Variants in PRH1 observed in about 807,000 individuals in gnomAD.
PRH1 encodes salivary acidic proline-rich phosphoprotein 1/2.
PRH1 carries 7 observed loss-of-function variants against 7.9 expected under a neutral mutation model. The ratio of observed to expected loss-of-function variants is 0.89; its 90% CI spans 0.50 to 1.67. The LOEUF is 1.67. Ranked by LOEUF, PRH1 falls within the 40% of genes most tolerant of loss-of-function variation. The pLI, the probability that PRH1 is intolerant of heterozygous loss-of-function variation, is 0.00. For missense variants in PRH1, 109 were observed against 223.6 expected (o/e 0.49, Z 3.27); for synonymous variants, 45 against 80.8 (o/e 0.56, Z 2.38).
intron 1 of PRH1, among the ~76,000 whole-genome samples, chr12:11,043,028 T>A (rs188900588): frequency 1.2e-3 from 178 of 152,296 alleles, no homozygotes; most frequent in African/African-American, 4.0e-3. Flanking sequence ...TGAACATTGA[T>A]GCTAAAGTCT....
At chr12:11,036,787 T>C (rs553441119) in intron 1 of PRH1, among the ~76,000 whole-genome samples, 2 of 152,322 alleles carry the variant, frequency 1.3e-5, no homozygotes, top group Middle Eastern at 3.4e-3. Flanking sequence ...AATTATGTAT[T>C]TAAATATTTC....
At chr12:10,948,844 T>C (rs1378907355) in intron 2 of PRH1, among the ~76,000 whole-genome samples, 2 of 152,202 alleles carry the variant, frequency 1.3e-5, no homozygotes, top group African/African-American at 4.8e-5. Flanking sequence ...TATTTGAAGC[T>C]GACTTTGTGT....
rs556000314 is a variant in PRH1, at chr12:11,086,836, C to T, written n.124-39648G>A. ...GGCTGTGGCAGAAAAATCATTGGAA[C>T]CCAGGAGTGGGGGGTTGTAGTTAGT... On this transcript the variant is annotated intron_variant and non_coding_transcript_variant, in intron 1 of 4. Transcript: ENST00000541977. 2.0e-4 allele frequency among the ~76,000 whole-genome samples: 22 copies of T among 112,252 alleles called. 7 individuals carry two copies. The highest frequency in any genetic ancestry group is 5.6e-4 in the African/African-American group (19 of 33,650). The allele number at this position is 112,252 out of a possible 152,430, so 73.6% of individuals were successfully genotyped here.
chr12:10,964,582 C>A, intron 2 of PRH1: 1 of 377,906 alleles, frequency 2.6e-6, no homozygotes, highest in South Asian at 3.6e-5. Flanking sequence ...CAGGTTCGTT[C>A]TACAGCCTCC....
chr12:11,082,981 A>T (rs1454962113), intron 1 of PRH1, among the ~76,000 whole-genome samples: 24 of 102,904 alleles, frequency 2.3e-4, no homozygotes, highest in Non-Finnish European at 4.5e-4. Flanking sequence ...ATATGTTTTA[A>T]GGCTTAACAA....
chr12:10,984,505 G>A (rs150744004), intron 1 of PRH1, among the ~76,000 whole-genome samples: 58 of 151,782 alleles, frequency 3.8e-4, no homozygotes, highest in Admixed American at 2.1e-3. Flanking sequence ...CAATTTACTT[G>A]TTCATCAAAA....
At chr12:10,902,854 A>C (rs888701779) in intron 2 of PRH1, among the ~76,000 whole-genome samples, 1 of 152,204 alleles carries the variant, frequency 6.6e-6, no homozygotes, top group African/African-American at 2.4e-5. Flanking sequence ...GACCAGTCTT[A>C]CAAGAGATCC....
At chr12:10,969,640 T>G (rs11054104) in intron 2 of PRH1, among the ~76,000 whole-genome samples, 36,855 of 151,630 alleles carry the variant, frequency 0.24, 4,507 homozygotes, top group Non-Finnish European at 0.25. Flanking sequence ...GGTTTTTCTG[T>G]TTTTTTGTTT....
At chr12:10,939,756 G>A (rs1175843712) in intron 2 of PRH1, among the ~76,000 whole-genome samples, 2 of 151,866 alleles carry the variant, frequency 1.3e-5, no homozygotes, top group East Asian at 3.9e-4. Flanking sequence ...GTTTTGTTCT[G>A]CTTTTCTGAG....
intron 1 of PRH1, among the ~76,000 whole-genome samples, chr12:11,017,895 C>T (rs771568086): frequency 5.3e-5 from 8 of 152,084 alleles, no homozygotes; most frequent in Non-Finnish European, 1.2e-4. Flanking sequence ...TCCAAAAATA[C>T]CACAGTAGAG....
intron 2 of PRH1, among the ~76,000 whole-genome samples, chr12:10,918,593 ATT>A (rs1440882862): frequency 1.3e-5 from 2 of 152,214 alleles, no homozygotes; most frequent in African/African-American, 4.8e-5. Context: ...TTTTATTAAT[ATT>A]GACAAAGTCC....
rs1188564785 is a variant in PRH1, at chr12:11,097,948, T to A, written n.124-50760A>T. ...CATCAAGAATAATGTAAAACCAACA[T>A]ATTTTCAACGATTTATTTGCTTTTT... On this transcript the variant is annotated intron_variant and non_coding_transcript_variant, in intron 1 of 4. Coordinates refer to the PRH1 transcript ENST00000541977. 2.6e-5 allele frequency among the ~76,000 whole-genome samples: 2 copies of A among 76,438 alleles called. 1 individual carries two copies. Among genetic ancestry groups the A allele is most frequent in the Non-Finnish European group, 7.0e-5 (2 of 28,556 alleles). The allele number at this position is 76,438 out of a possible 152,430, so 50.1% of individuals were successfully genotyped here.
intron 1 of PRH1, among the ~76,000 whole-genome samples, chr12:11,044,454 TAAA>T (rs1351493830): frequency 6.6e-6 from 1 of 151,916 alleles, no homozygotes; most frequent in East Asian, 1.9e-4. Context: ...GACATCAAGT[TAAA>T]AAATACTTCT....
chr12:10,998,867 TA>T (rs2136013911), intron 1 of PRH1, among the ~76,000 whole-genome samples: 2 of 152,280 alleles, frequency 1.3e-5, no homozygotes, highest in African/African-American at 4.8e-5. Flanking sequence ...AGAAAATTAC[TA>T]CACTTTACAT....
intron 1 of PRH1, among the ~76,000 whole-genome samples, chr12:11,059,240 G>C (rs1408233025): frequency 6.6e-6 from 1 of 151,762 alleles, no homozygotes; most frequent in Admixed American, 6.6e-5. Context: ...TGGGAGCCAA[G>C]TGTACGCATC....
rs575734028 is a variant in PRH1 at position 11,061,788 on chromosome 12, C to A, written n.124-14600G>T. 244 of 1,614,128 alleles carry A rather than the reference C, an allele frequency of 1.5e-4. No homozygotes were observed. Among genetic ancestry groups the A allele is most frequent in the Non-Finnish European group, 1.6e-4 (192 of 1,179,992 alleles). ...TTGTATTTGAAAGGTACATTGCACTCCTCAGTTTGATCTTCCAAGTCATGT... is the reference window on the plus strand; with the variant it reads ...TTGTATTTGAAAGGTACATTGCACTACTCAGTTTGATCTTCCAAGTCATGT... On this transcript the variant is annotated intron_variant and non_coding_transcript_variant, in intron 1 of 4. Transcript: ENST00000541977.
At chr12:11,055,406 A>C (rs1943323543) in intron 1 of PRH1, among the ~76,000 whole-genome samples, 1 of 152,282 alleles carries the variant, frequency 6.6e-6, no homozygotes, top group Non-Finnish European at 1.5e-5. Context: ...TATTCCCTTT[A>C]AGGTCCTGAC....
At chr12:10,982,590 G>A (rs1939409188) in intron 1 of PRH1, among the ~76,000 whole-genome samples, 1 of 152,194 alleles carries the variant, frequency 6.6e-6, no homozygotes, top group South Asian at 2.1e-4. Flanking sequence ...TGTCAGGGCT[G>A]TCACTTCTGC....
At chr12:10,948,595 T>G (rs1042567445) in intron 2 of PRH1, among the ~76,000 whole-genome samples, 1 of 152,250 alleles carries the variant, frequency 6.6e-6, no homozygotes, top group African/African-American at 2.4e-5. Context: ...CAATAATCTT[T>G]GTTTCTGCCA....
Sources: allele counts gnomAD v4.1 joint callset (sites outside exome capture counted in the v4.1 genomes callset), GRCh38; gene constraint gnomAD v4.1.1; transcripts MANE v1.5; gene names NCBI Gene and HGNC (gene_info 2026-07-23, HGNC 2026-07-21).